The following WDR37 variants were observed in gnomAD, a reference collection of about 807,000 sequenced individuals.
WDR37 encodes WD repeat domain 37.
WDR37 carries 19 observed loss-of-function variants against 62.9 expected under a neutral mutation model. That is an observed-to-expected ratio of 0.30 (90% CI 0.21 to 0.44). The LOEUF (loss-of-function observed/expected upper bound fraction) is 0.44, where lower values mean the gene tolerates loss of function less well. WDR37 is among the 20% of genes least tolerant of loss of function. The pLI is 1.00. For missense variants in WDR37, 474 were observed against 657.6 expected (o/e 0.72, Z 3.05); for synonymous variants, 250 against 260.9 (o/e 0.96, Z 0.40).
At chr10:1,124,657 AGTGTGTGTGTGTGTGT>A (rs10522293) in intron 12 of WDR37, among the ~76,000 whole-genome samples, 1 of 149,178 alleles carries the variant, frequency 6.7e-6, no homozygotes, top group African/African-American at 2.5e-5. Context: ...ACCATTGAGC[AGTGTGTGTGTGTGTGT>A]GTGTGTGTGT....
chr10:1,116,655 G>A lies in WDR37; in HGVS notation c.1104-7563G>A, dbSNP rs562704501. On this transcript the variant is annotated intron_variant, in intron 11 of 13. Transcript: ENST00000263150. ...AGGGTCACTAAGGACTCCATCTGTC[G>A]CCCGTGACAGCTTTTCGGAGCTTTG... Among the ~76,000 whole-genome samples the A allele has an allele frequency of 7.9e-5, 12 of 152,286 alleles. No individual in the cohort carries two copies. The South Asian group carries it at 2.1e-3, about 26-fold the overall frequency.
chr10:1,108,739 GC>G (rs3055726), intron 11 of WDR37, among the ~76,000 whole-genome samples: 71,314 of 113,616 alleles, frequency 0.63, 23,575 homozygotes, highest in Non-Finnish European at 0.7. Flanking sequence ...CTTCTGTGAT[GC>G]CCCCCCCCCC....
chr10:1,090,275 C>A (rs541792459), intron 7 of WDR37, among the ~76,000 whole-genome samples: 9 of 152,216 alleles, frequency 5.9e-5, no homozygotes, highest in Admixed American at 5.9e-4. Flanking sequence ...TCTCCTGCTT[C>A]GGCCTCCCGA....
Position 1,103,828 on chromosome 10 carries a change from C to T in WDR37, c.953C>T (p.Ser318Phe). The change falls in exon 10 of 14, where the codon TCT becomes TTT. Residue 318 changes from serine to phenylalanine, a missense_variant. Ser to Phe is a radical substitution (Grantham distance 155). Coordinates refer to ENST00000263150, the MANE Select transcript of WDR37 (RefSeq NM_014023.4). The surrounding 1 kb of genome is among the most constrained non-coding windows in gnomAD (Gnocchi z 6.3). Reference sequence around the variant, plus strand: ...GTGGAGACGTCCGAGCTCGTTCACTCTCTGACAGGTGCCTGGGTTCTCTGA... The same window carrying T: ...GTGGAGACGTCCGAGCTCGTTCACTTTCTGACAGGTGCCTGGGTTCTCTGA... ...YDVETSELVH[S>F]LTGHDQELTH... 1 of 1,613,990 alleles carries T rather than the reference C, an allele frequency of 6.2e-7. No homozygotes were observed. Among genetic ancestry groups the T allele is most frequent in the East Asian group, 2.2e-5 (1 of 44,884 alleles).
intron 7 of WDR37, among the ~76,000 whole-genome samples, chr10:1,093,121 T>G (rs570609349): frequency 1.9e-4 from 29 of 152,244 alleles, no homozygotes; most frequent in Admixed American, 3.3e-4. Context: ...ATAATTTGTC[T>G]TCACCCGTTG....
chr10:1,108,588 G>A (rs1224204509), intron 11 of WDR37, among the ~76,000 whole-genome samples: 2 of 152,212 alleles, frequency 1.3e-5, no homozygotes, highest in East Asian at 1.9e-4. Context: ...TCATTGTTAC[G>A]CTGAGTCCTG....
chr10:1,080,764 G>A (rs1430601785), intron 5 of WDR37, among the ~76,000 whole-genome samples: 1 of 152,008 alleles, frequency 6.6e-6, no homozygotes, highest in African/African-American at 2.4e-5. Flanking sequence ...AAATTAGCTG[G>A]GTGTGGTGGC....
chr10:1,090,001 A>C (rs7068520), intron 7 of WDR37, among the ~76,000 whole-genome samples: 149,309 of 152,260 alleles, frequency 0.98, 73,263 homozygotes, highest in Middle Eastern at 1. Flanking sequence ...GAGTCTCACT[A>C]TGTCACCCAG....
At chr10:1,089,383 G>T (rs1025376605) in intron 7 of WDR37, among the ~76,000 whole-genome samples, 4 of 152,074 alleles carry the variant, frequency 2.6e-5, no homozygotes, top group Non-Finnish European at 4.4e-5. Flanking sequence ...TGGGGCCTCT[G>T]GGCCTGGGGG....
intron 2 of WDR37, among the ~76,000 whole-genome samples, chr10:1,076,202 T>G (rs1833873487): frequency 6.6e-6 from 1 of 152,072 alleles, no homozygotes; most frequent in Middle Eastern, 3.2e-3. Flanking sequence ...TTCAGTAGAT[T>G]CAGTATTTAA....
intron 1 of WDR37, among the ~76,000 whole-genome samples, chr10:1,063,590 C>T (rs1478019294): frequency 6.6e-6 from 1 of 152,182 alleles, no homozygotes; most frequent in Non-Finnish European, 1.5e-5. Flanking sequence ...TGGGGTTTTA[C>T]TTCTGCTGGG....
chr10:1,107,815 C>G (rs1306566973), intron 11 of WDR37, among the ~76,000 whole-genome samples: 1 of 151,940 alleles, frequency 6.6e-6, no homozygotes, highest in Admixed American at 6.6e-5. Context: ...TGCTGTCTCT[C>G]TTTACACATG....
intron 2 of WDR37, among the ~76,000 whole-genome samples, chr10:1,073,928 T>G (rs932703280): frequency 2.0e-5 from 3 of 152,150 alleles, no homozygotes; most frequent in Non-Finnish European, 4.4e-5. Flanking sequence ...GTCCTGGGCC[T>G]GTGGACCCCG....
chr10:1,122,063 G>A (rs369666233), intron 11 of WDR37, among the ~76,000 whole-genome samples: 327 of 152,238 alleles, frequency 2.1e-3, no homozygotes, highest in African/African-American at 7.5e-3. Context: ...TTGTGACTGC[G>A]TGGTGCTTCT....
chr10:1,118,427 G>A (rs1311079383), intron 11 of WDR37, among the ~76,000 whole-genome samples: 2 of 149,726 alleles, frequency 1.3e-5, no homozygotes, highest in Non-Finnish European at 3.0e-5. Context: ...GCACACATCT[G>A]AGCTGCGTGC....
intron 5 of WDR37, among the ~76,000 whole-genome samples, chr10:1,082,250 T>C (rs1477764034): frequency 1.3e-5 from 2 of 152,170 alleles, no homozygotes; most frequent in East Asian, 3.8e-4. Context: ...CTTTCCCTCC[T>C]TCTGACCCAG....
intron 1 of WDR37, among the ~76,000 whole-genome samples, chr10:1,057,864 G>A (rs1833243965): frequency 6.6e-6 from 1 of 152,216 alleles, no homozygotes. Context: ...CTTAAATTCA[G>A]TATGTTGGCC....
intron 6 of WDR37, 137 bp downstream of exon 6, chr10:1,084,675 C>T (rs1834142413): frequency 7.8e-7 from 1 of 1,279,182 alleles, no homozygotes. Context: ...ACCCCCCACA[C>T]ATTAACCCTT....
chr10:1,073,827 CCT>C, intron 2 of WDR37, among the ~76,000 whole-genome samples: 1 of 152,302 alleles, frequency 6.6e-6, no homozygotes, highest in Middle Eastern at 3.4e-3. Flanking sequence ...TACAAGGACC[CCT>C]GTCATACTGG....
Sources: allele counts gnomAD v4.1 joint callset (sites outside exome capture counted in the v4.1 genomes callset), GRCh38; gene constraint gnomAD v4.1.1; non-coding constraint Gnocchi (gnomAD v3.1); transcripts MANE v1.5; gene names NCBI Gene and HGNC (gene_info 2026-07-23, HGNC 2026-07-21).